Variants in RALA observed in about 807,000 individuals in gnomAD.
RALA encodes RAS like proto-oncogene A.
A neutral mutation model predicts 24.0 loss-of-function variants in RALA; 5 were observed. The observed-to-expected ratio is 0.21, with a 90% CI of 0.11 to 0.44. The LOEUF (loss-of-function observed/expected upper bound fraction) is 0.44. RALA is among the 20% of genes least tolerant of loss of function. RALA has a pLI of 0.99. For missense variants in RALA, 95 were observed against 241.2 expected (o/e 0.39, Z 4.01); for synonymous variants, 77 against 83.8 (o/e 0.92, Z 0.44).
intron 1 of RALA, among the ~76,000 whole-genome samples, chr7:39,635,333 C>T (rs1026458926): frequency 2.0e-5 from 3 of 152,224 alleles, no homozygotes; most frequent in Non-Finnish European, 4.4e-5. Flanking sequence ...CGAGATCGTG[C>T]CACTACACTC....
chr7:39,668,076 G>A (rs1023839104), intron 1 of RALA, among the ~76,000 whole-genome samples: 4 of 152,172 alleles, frequency 2.6e-5, no homozygotes, highest in African/African-American at 9.7e-5. Context: ...ATAAGAACTA[G>A]CAATTCACAA....
Position 39,698,420 on chromosome 7 carries a change from G to A in RALA, c.498+1561G>A, listed in dbSNP as rs573895124. ...GGGAACAAGAATACCTGCTTCATAG[G>A]ATTATTGTAAAGATGAAATGAAATC... On this transcript the variant is annotated intron_variant, in intron 4 of 4. Coordinates refer to ENST00000005257, the MANE Select transcript of RALA (RefSeq NM_005402.4). 2.0e-5 allele frequency among the ~76,000 whole-genome samples: 3 copies of A among 152,190 alleles called. No homozygotes were observed. In the East Asian group the frequency reaches 5.8e-4, roughly 29 times the overall value.
At chr7:39,667,923 C>A (rs904152670) in intron 1 of RALA, among the ~76,000 whole-genome samples, 9 of 152,008 alleles carry the variant, frequency 5.9e-5, no homozygotes, top group Non-Finnish European at 1.2e-4. Context: ...TCTTCCTGAT[C>A]TGTTGTGAGA....
chr7:39,684,992 A>G (rs1792673246), intron 1 of RALA, among the ~76,000 whole-genome samples: 1 of 152,182 alleles, frequency 6.6e-6, no homozygotes, highest in Admixed American at 6.5e-5. Flanking sequence ...TGTTTCTGGT[A>G]TACTAGAGGA....
rs71964842 is a variant in RALA at position 39,683,840 on chromosome 7, AACACACAC to A, written c.-37-2765_-37-2758del. Among the ~76,000 whole-genome samples, 603 of 148,050 alleles carry A rather than the reference AACACACAC, an allele frequency of 4.1e-3. 1 individual carries two copies. The highest frequency in any genetic ancestry group is 4.4e-3 in the Non-Finnish European group (292 of 66,760). On this transcript the variant is annotated intron_variant, in intron 1 of 4. Coordinates refer to ENST00000005257, the MANE Select transcript of RALA (RefSeq NM_005402.4). ...AGTGACTGCTAAGTGTTTTCTTTTG[AACACACAC>A]ACACACACACACACACACACACACA...
intron 1 of RALA, among the ~76,000 whole-genome samples, chr7:39,673,860 T>C (rs1792430351): frequency 6.6e-6 from 1 of 151,900 alleles, no homozygotes; most frequent in Non-Finnish European, 1.5e-5. Context: ...CTTAAGAGGG[T>C]TGGCCAGACC....
At chr7:39,637,489 T>C (rs1791704198) in intron 1 of RALA, among the ~76,000 whole-genome samples, 1 of 152,240 alleles carries the variant, frequency 6.6e-6, no homozygotes. Context: ...AAGTATTCCT[T>C]AACAATAGCA....
chr7:39,649,620 C>T (rs1444296444), intron 1 of RALA, among the ~76,000 whole-genome samples: 3 of 152,100 alleles, frequency 2.0e-5, no homozygotes, highest in African/African-American at 7.2e-5. Context: ...CACCAGACAC[C>T]GAACCTGCTT....
At chr7:39,665,883 T>G (rs1792280158) in intron 1 of RALA, among the ~76,000 whole-genome samples, 1 of 152,102 alleles carries the variant, frequency 6.6e-6, no homozygotes, top group African/African-American at 2.4e-5. Flanking sequence ...ACATCAATAG[T>G]GTGTCCTAGG....
In RALA at chr7:39,706,606, A is replaced by G. The variant is rs1793124069; in HGVS notation, c.*361A>G. The G allele has an allele frequency of 6.3e-6, 1 of 158,954 alleles. No homozygotes were observed. Among genetic ancestry groups the G allele is most frequent in the African/African-American group, 2.4e-5 (1 of 41,622 alleles). The allele number at this position is 158,954 out of a possible 1,614,324, so 9.8% of individuals were successfully genotyped here. A position where few individuals can be genotyped will look rare whatever the true frequency, so the allele number is the denominator to read the frequency against. On this transcript the variant is annotated 3_prime_UTR_variant, in exon 5 of 5. Coordinates refer to ENST00000005257, the MANE Select transcript of RALA (RefSeq NM_005402.4). ...GTGTTTATTATAAAGCTTAAATTTT[A>G]TATCATTTTAAAATGTCTTGGTCTT...
chr7:39,680,345 C>G (rs1018428828), intron 1 of RALA, among the ~76,000 whole-genome samples: 1 of 150,604 alleles, frequency 6.6e-6, no homozygotes, highest in African/African-American at 2.4e-5. Context: ...CATTGCACTC[C>G]AGCCTGGGCA....
intron 3 of RALA, among the ~76,000 whole-genome samples, chr7:39,695,070 A>G (rs369219664): frequency 2.0e-5 from 3 of 151,758 alleles, no homozygotes; most frequent in African/African-American, 4.8e-5. Flanking sequence ...AAAAAAAGAA[A>G]AAAAAAAAAA....
rs1284726580 is a variant in RALA at position 39,706,763 on chromosome 7, T to C, written c.*518T>C. ...ATATAGTTAAACTGAGAGTAATTCA[T>C]CTGTGAATCTGCTTTAATTACCTGG... On this transcript the variant is annotated 3_prime_UTR_variant, in exon 5 of 5. Coordinates refer to ENST00000005257, the MANE Select transcript of RALA (RefSeq NM_005402.4). 6.6e-6 allele frequency: 1 copy of C among 152,542 alleles called. No homozygotes were observed. Among genetic ancestry groups the C allele is most frequent in the Non-Finnish European group, 1.5e-5 (1 of 68,076 alleles). The allele number at this position is 152,542 out of a possible 1,614,324, so 9.4% of individuals were successfully genotyped here. A position where few individuals can be genotyped will look rare whatever the true frequency, so the allele number is the denominator to read the frequency against.
chr7:39,632,579 A>G (rs953812139), intron 1 of RALA, among the ~76,000 whole-genome samples: 3 of 152,200 alleles, frequency 2.0e-5, no homozygotes, highest in Non-Finnish European at 4.4e-5. Flanking sequence ...GTACTTTGGG[A>G]GGCTGAGGCT....
intron 3 of RALA, among the ~76,000 whole-genome samples, chr7:39,693,549 C>A (rs1356328640): frequency 1.3e-5 from 2 of 152,134 alleles, no homozygotes; most frequent in Non-Finnish European, 2.9e-5. Flanking sequence ...CACATGTACC[C>A]TACAACTTAA....
rs562204908 is a variant in RALA at position 39,696,671 on chromosome 7, T to G, written c.324-14T>G. On this transcript the variant is annotated splice_polypyrimidine_tract_variant and intron_variant, in intron 3 of 4. Coordinates refer to ENST00000005257, the MANE Select transcript of RALA (RefSeq NM_005402.4). ...TATAATGTTAATATTTCTTTTTCAT[T>G]TTCTCTTATCCAGGGAGCAGATTTT... The G allele has an allele frequency of 1.0e-5, 16 of 1,566,624 alleles. No individual in the cohort carries two copies. Among genetic ancestry groups the G allele is most frequent in the African/African-American group, 4.1e-5 (3 of 72,678 alleles).
chr7:39,706,419 A>G lies in RALA; in HGVS notation c.*174A>G, dbSNP rs1793120924. 1.6e-6 allele frequency: 1 copy of G among 630,072 alleles called. No individual in the cohort carries two copies. The highest frequency in any genetic ancestry group is 2.3e-5 in the South Asian group (1 of 43,886). 39.0% of individuals were successfully genotyped at this position (630,072 alleles called of 1,614,324 possible). ...GTCAAATTTACTTTAAAAAGAAATT[A>G]ATATGGCTTCACCAAGAAGCAAAGT... On this transcript the variant is annotated 3_prime_UTR_variant, in exon 5 of 5. Transcript: ENST00000005257.
chr7:39,632,502 T>C (rs1791615154), intron 1 of RALA, among the ~76,000 whole-genome samples: 1 of 152,210 alleles, frequency 6.6e-6, no homozygotes, highest in Admixed American at 6.5e-5. Context: ...CACACAGTCC[T>C]TCGCTGTGTC....
chr7:39,682,690 T>G (rs1165338831), intron 1 of RALA, among the ~76,000 whole-genome samples: 1 of 152,240 alleles, frequency 6.6e-6, no homozygotes, highest in African/African-American at 2.4e-5. Context: ...TTGCCCAGGC[T>G]GGAGTGCAGT....
Sources: allele counts gnomAD v4.1 joint callset (sites outside exome capture counted in the v4.1 genomes callset), GRCh38; gene constraint gnomAD v4.1.1; transcripts MANE v1.5; gene names NCBI Gene and HGNC (gene_info 2026-07-23, HGNC 2026-07-21).